The following HPSE2 variants were observed in gnomAD, a reference collection of about 807,000 sequenced individuals.
The protein encoded by HPSE2 is heparanase 2 (inactive).
In HPSE2, 38 loss-of-function variants were observed where a neutral mutation model predicts 60.5. That is an observed-to-expected ratio of 0.63 (90% CI 0.48 to 0.82). HPSE2 has a LOEUF of 0.82. Among genes scored for constraint, HPSE2 ranks in the 40% least tolerant of loss-of-function variants. The pLI is 0.00. For missense variants in HPSE2, 713 were observed against 740.4 expected, an observed-to-expected ratio of 0.96 and a Z score of 0.43; for synonymous variants, 295 against 293.2, an observed-to-expected ratio of 1.01 and a Z score of -0.06.
At chr10:99,181,311 T>A (rs1228550569) in intron 2 of HPSE2, among the ~76,000 whole-genome samples, 2 of 140,206 alleles carry the variant, frequency 1.4e-5, no homozygotes, top group African/African-American at 5.6e-5. Context: ...GGCAGGAGAA[T>A]GGCGTGAACC....
chr10:99,304,409 C>A, the HPSE2 span, among the ~76,000 whole-genome samples: 1 of 152,344 alleles, frequency 6.6e-6, no homozygotes, highest in East Asian at 1.9e-4. Context: ...TACAGGATAG[C>A]CCTGCTCTGC....
At chr10:98,971,369 C>T (rs117367813) in intron 3 of HPSE2, among the ~76,000 whole-genome samples, 1 of 150,726 alleles carries the variant, frequency 6.6e-6, no homozygotes, top group East Asian at 2.0e-4. Context: ...AATGACACTT[C>T]ATCATCATTG....
chr10:99,101,227 C>A (rs1470119333), intron 3 of HPSE2, among the ~76,000 whole-genome samples: 2 of 152,158 alleles, frequency 1.3e-5, no homozygotes, highest in Non-Finnish European at 2.9e-5. Context: ...CATCAGTGTG[C>A]TGTATTCAGG....
At position 98,614,926 on chromosome 10, in the gene HPSE2, T is replaced by C. The variant is rs769746660; in HGVS notation, c.1298A>G (p.Asp433Gly). 11 of 1,613,246 alleles carry C rather than the reference T, an allele frequency of 6.8e-6. No individual in the cohort carries two copies. ...FFDHGYNHLV[D>G]QNFNPLPDYW... Reference sequence around the variant, plus strand: ...TACTGGTAATGGGTTAAAATTCTGGTCCACGAGGTGATTGTATCCATGGTC... The same window carrying C: ...TACTGGTAATGGGTTAAAATTCTGGCCCACGAGGTGATTGTATCCATGGTC... The change falls in exon 9 of 12, where the codon GAC becomes GGC. Residue 433 changes from aspartate to glycine, a missense_variant. Transcript: ENST00000370552.
chr10:99,262,240 G>C, the HPSE2 span, among the ~76,000 whole-genome samples: 2 of 152,194 alleles, frequency 1.3e-5, no homozygotes, highest in South Asian at 4.2e-4. Flanking sequence ...GGGTATTGAT[G>C]GCCAGGTTTC....
intron 3 of HPSE2, among the ~76,000 whole-genome samples, chr10:99,052,682 TCA>T (rs1472956859): frequency 6.6e-6 from 1 of 151,718 alleles, no homozygotes; most frequent in Non-Finnish European, 1.5e-5. Context: ...AAATGACACA[TCA>T]CATATAAAGG....
At chr10:98,943,310 G>A (rs1418630285) in intron 3 of HPSE2, among the ~76,000 whole-genome samples, 1 of 151,738 alleles carries the variant, frequency 6.6e-6, no homozygotes. Context: ...AATAAAGGAT[G>A]AGGGTAAAAA....
intron 4 of HPSE2, among the ~76,000 whole-genome samples, chr10:98,734,192 T>C (rs1438338018): frequency 6.6e-6 from 1 of 152,228 alleles, no homozygotes; most frequent in Non-Finnish European, 1.5e-5. Context: ...AGTACTTCAT[T>C]TTGCAGCACA....
At chr10:98,938,773 C>G (rs1954893151) in intron 3 of HPSE2, among the ~76,000 whole-genome samples, 1 of 143,258 alleles carries the variant, frequency 7.0e-6, no homozygotes, top group Admixed American at 7.0e-5. Context: ...AACCCCAAGA[C>G]ACATCATTGT....
intron 6 of HPSE2, among the ~76,000 whole-genome samples, chr10:98,649,646 C>A (rs1448050777): frequency 6.6e-6 from 1 of 152,052 alleles, no homozygotes; most frequent in East Asian, 1.9e-4. Context: ...CAAAACCAAC[C>A]CAAAACAGTA....
At chr10:99,153,108 C>T (rs1303596776) in intron 2 of HPSE2, among the ~76,000 whole-genome samples, 4 of 152,222 alleles carry the variant, frequency 2.6e-5, no homozygotes, top group Admixed American at 1.3e-4. Context: ...CCTACGCCCA[C>T]GGAGTCTCGC....
intron 3 of HPSE2, among the ~76,000 whole-genome samples, chr10:99,079,982 T>C (rs1488389305): frequency 6.6e-6 from 1 of 152,188 alleles, no homozygotes. Flanking sequence ...TCTGATTGTA[T>C]GGTACTGTGC....
At chr10:98,954,345 T>C (rs1955449845) in intron 3 of HPSE2, among the ~76,000 whole-genome samples, 1 of 151,918 alleles carries the variant, frequency 6.6e-6, no homozygotes, top group Non-Finnish European at 1.5e-5. Flanking sequence ...AGCACTAAGT[T>C]TGGGGAAGGC....
chr10:99,293,404 T>A, the HPSE2 span, among the ~76,000 whole-genome samples: 1 of 152,156 alleles, frequency 6.6e-6, no homozygotes, highest in Non-Finnish European at 1.5e-5. Context: ...AAATAAAACA[T>A]AAAATACTTT....
At chr10:98,867,304 AAAATC>A (rs1202826589) in intron 3 of HPSE2, among the ~76,000 whole-genome samples, 1 of 152,120 alleles carries the variant, frequency 6.6e-6, no homozygotes, top group East Asian at 1.9e-4. Flanking sequence ...GAAAAAAAAA[AAAATC>A]TAATAATCCA....
chr10:98,667,454 A>C (rs1392945915), intron 6 of HPSE2, among the ~76,000 whole-genome samples: 1 of 152,212 alleles, frequency 6.6e-6, no homozygotes, highest in African/African-American at 2.4e-5. Flanking sequence ...CTGATACCAA[A>C]ATCTGGCAGA....
chr10:98,976,465 G>A (rs954195222), intron 3 of HPSE2, among the ~76,000 whole-genome samples: 2 of 152,160 alleles, frequency 1.3e-5, no homozygotes, highest in African/African-American at 4.8e-5. Context: ...TTATAGCCAA[G>A]TAATCTAATT....
At chr10:98,900,791 T>C (rs987015852) in intron 3 of HPSE2, among the ~76,000 whole-genome samples, 3 of 152,202 alleles carry the variant, frequency 2.0e-5, no homozygotes, top group Non-Finnish European at 4.4e-5. Context: ...ACCATCACTT[T>C]GCAAACACAA....
rs149963417 is a variant in HPSE2 at position 98,675,225 on chromosome 10, C to T, written c.1004+18675G>A. On this transcript the variant is annotated intron_variant, in intron 6 of 11. Transcript: ENST00000370552. ...TTCCCTAAGGTGTCTGCTTAGCTAC[C>T]TCCCTCACTTCTTTTACATCTGTGT... Among the ~76,000 whole-genome samples the T allele has an allele frequency of 7.5e-4, 114 of 152,242 alleles. 1 individual carries two copies. The highest frequency in any genetic ancestry group is 2.6e-3 in the African/African-American group (110 of 41,536).
Sources: gnomAD v4.1 joint callset for allele counts (sites outside exome capture counted in the v4.1 genomes callset) on GRCh38, gnomAD v4.1.1 for gene constraint, MANE v1.5 for transcripts, NCBI Gene and HGNC (gene_info 2026-07-23, HGNC 2026-07-21) for gene names.